The following CNST variants were observed in gnomAD, a reference collection of about 807,000 sequenced individuals.
CNST encodes the protein consortin.
A neutral mutation model predicts 72.4 loss-of-function variants in CNST; 39 were observed. The ratio of observed to expected loss-of-function variants is 0.54; its 90% CI spans 0.42 to 0.70. CNST has a LOEUF of 0.70. Ranked by LOEUF, CNST falls within the 30% of genes least tolerant of loss-of-function variation. CNST has a pLI of 0.00. For missense variants in CNST, 871 were observed against 868.5 expected, an observed-to-expected ratio of 1.00 and a Z score of -0.04; for synonymous variants, 332 against 320.1, an observed-to-expected ratio of 1.04 and a Z score of -0.40.
At chr1:246,657,254 G>A (rs1464060148) in intron 9 of CNST, among the ~76,000 whole-genome samples, 1 of 152,132 alleles carries the variant, frequency 6.6e-6, no homozygotes, top group Non-Finnish European at 1.5e-5. Context: ...CCACCTGAGA[G>A]TGCCTCCTTG....
At chr1:246,627,464 C>G (rs1259814063) in intron 3 of CNST, among the ~76,000 whole-genome samples, 1 of 152,142 alleles carries the variant, frequency 6.6e-6, no homozygotes, top group East Asian at 1.9e-4. Context: ...GTGATGTGCT[C>G]CAGCAAAACA....
At chr1:246,598,497 G>A (rs1018685752) in intron 2 of CNST, among the ~76,000 whole-genome samples, 1 of 151,966 alleles carries the variant, frequency 6.6e-6, no homozygotes, top group Non-Finnish European at 1.5e-5. Flanking sequence ...TTCCATACTA[G>A]TTTAATGTCA....
At chr1:246,637,600 G>A (rs1665376141) in intron 6 of CNST, among the ~76,000 whole-genome samples, 1 of 152,206 alleles carries the variant, frequency 6.6e-6, no homozygotes, top group African/African-American at 2.4e-5. Flanking sequence ...CACGACTGGT[G>A]GGTTTCTAGA....
At chr1:246,635,282 C>T (rs1431160210) in intron 6 of CNST, among the ~76,000 whole-genome samples, 1 of 151,720 alleles carries the variant, frequency 6.6e-6, no homozygotes, top group African/African-American at 2.4e-5. Context: ...GCAGGAGCAT[C>T]GTCTGGATTG....
At chr1:246,633,746 GA>G (rs746900904) in intron 4 of CNST, among the ~76,000 whole-genome samples, 177 bp from the exon 5 acceptor site, 3,005 of 113,712 alleles carry the variant, frequency 0.026, 84 homozygotes, top group African/African-American at 0.078. Context: ...CCATCTCAAG[GA>G]AAAAAAAAAA....
At chr1:246,607,622 G>C (rs1238775042) in intron 2 of CNST, 1 of 152,368 alleles carries the variant, frequency 6.6e-6, no homozygotes, top group Non-Finnish European at 1.5e-5. Context: ...AAGTGTCCCT[G>C]TCTGACGTCA....
intron 2 of CNST, chr1:246,606,948 T>C (rs1262475331): frequency 1.5e-5 from 2 of 130,600 alleles, no homozygotes; most frequent in African/African-American, 2.6e-5. Flanking sequence ...CATAGTGCAC[T>C]TAGGCAGGCG....
intron 2 of CNST, among the ~76,000 whole-genome samples, chr1:246,613,577 A>G (rs1663473311): frequency 6.7e-6 from 1 of 150,188 alleles, no homozygotes; most frequent in East Asian, 2.0e-4. Context: ...TTTGAATGAT[A>G]GGGTACTTGT....
chr1:246,605,571 C>T (rs561862736), intron 2 of CNST, among the ~76,000 whole-genome samples: 40 of 152,256 alleles, frequency 2.6e-4, no homozygotes, highest in Middle Eastern at 3.4e-3. Context: ...TTACAGTCTC[C>T]TGTAAACAGG....
At chr1:246,586,227 T>C (rs966689481) in intron 1 of CNST, among the ~76,000 whole-genome samples, 2 of 147,546 alleles carry the variant, frequency 1.4e-5, no homozygotes, top group South Asian at 2.1e-4. Flanking sequence ...ATATAATATA[T>C]ACCTTTTATT....
chr1:246,576,408 T>C (rs1030876500), intron 1 of CNST, among the ~76,000 whole-genome samples: 4 of 149,612 alleles, frequency 2.7e-5, no homozygotes, highest in African/African-American at 7.4e-5. Context: ...ATTTTAACTT[T>C]ATTGATTTTT....
chr1:246,644,248 G>A (rs1424089935), intron 8 of CNST, among the ~76,000 whole-genome samples: 1 of 152,122 alleles, frequency 6.6e-6, no homozygotes, highest in Non-Finnish European at 1.5e-5. Context: ...AATTAGCCGG[G>A]CGTGGTGGCG....
At chr1:246,594,144 T>C (rs1200737612) in intron 2 of CNST, among the ~76,000 whole-genome samples, 1 of 152,116 alleles carries the variant, frequency 6.6e-6, no homozygotes, top group Non-Finnish European at 1.5e-5. Context: ...CTCCCTTCCA[T>C]GGTCTTTATT....
At chr1:246,615,323 G>A (rs993626051) in intron 2 of CNST, among the ~76,000 whole-genome samples, 5 of 152,028 alleles carry the variant, frequency 3.3e-5, no homozygotes, top group Admixed American at 1.3e-4. Flanking sequence ...CTACAGGCGC[G>A]TGCCACCAGG....
At chr1:246,653,789 A>T (rs1666624558) in intron 9 of CNST, among the ~76,000 whole-genome samples, 1 of 152,024 alleles carries the variant, frequency 6.6e-6, no homozygotes, top group South Asian at 2.1e-4. Flanking sequence ...GTAGTTACTT[A>T]ATAAGTTTCC....
intron 8 of CNST, among the ~76,000 whole-genome samples, chr1:246,644,874 T>G (rs1370492601): frequency 1.3e-5 from 2 of 152,212 alleles, no homozygotes; most frequent in South Asian, 4.1e-4. Flanking sequence ...GATGTGGCCC[T>G]CATTGCTCTA....
chr1:246,624,159 T>C (rs548561854), intron 3 of CNST, among the ~76,000 whole-genome samples: 15 of 152,350 alleles, frequency 9.8e-5, no homozygotes, highest in African/African-American at 3.4e-4. Context: ...ACTTGAAGAA[T>C]GCCTTTGAGG....
chr1:246,582,113 C>T (rs564163004), intron 1 of CNST, among the ~76,000 whole-genome samples: 1 of 152,260 alleles, frequency 6.6e-6, no homozygotes, highest in South Asian at 2.1e-4. Flanking sequence ...TGAAATTTTT[C>T]AGATCCATAT....
chr1:246,605,422 T>TTA (rs1374738185), intron 2 of CNST, among the ~76,000 whole-genome samples: 1 of 152,176 alleles, frequency 6.6e-6, no homozygotes, highest in Admixed American at 6.5e-5. Flanking sequence ...AAGGCTCTAA[T>TTA]ATCAGTTGGA....
Sources: allele counts gnomAD v4.1 joint callset (sites outside exome capture counted in the v4.1 genomes callset), GRCh38; gene constraint gnomAD v4.1.1; transcripts MANE v1.5; gene names NCBI Gene and HGNC (gene_info 2026-07-23, HGNC 2026-07-21).